Variants in GAP43 observed in about 807,000 individuals in gnomAD.
The protein encoded by GAP43 is neuromodulin.
GAP43 carries 6 observed loss-of-function variants against 18.6 expected under a neutral mutation model. The ratio of observed to expected loss-of-function variants is 0.32; its 90% CI spans 0.18 to 0.64. The LOEUF (loss-of-function observed/expected upper bound fraction) is 0.64. Ranked by LOEUF, GAP43 falls within the 30% of genes least tolerant of loss-of-function variation. GAP43 has a pLI of 0.78. For missense variants in GAP43, 292 were observed against 295.5 expected (o/e 0.99, Z 0.09); for synonymous variants, 115 against 111.4 (o/e 1.03, Z -0.20).
chr3:115,653,665 T>A (rs1320614603), intron 1 of GAP43, among the ~76,000 whole-genome samples: 2 of 152,144 alleles, frequency 1.3e-5, no homozygotes. Flanking sequence ...CTAGTTCAAA[T>A]CCCTCGTTCA....
At chr3:115,697,843 G>A (rs1709216516) in intron 2 of GAP43, among the ~76,000 whole-genome samples, 1 of 150,342 alleles carries the variant, frequency 6.7e-6, no homozygotes, top group African/African-American at 2.5e-5. Context: ...AGTTAACTCA[G>A]CATTTAGCTA....
At chr3:115,675,700 C>T (rs1193813429) in intron 1 of GAP43, among the ~76,000 whole-genome samples, 3 of 130,388 alleles carry the variant, frequency 2.3e-5, no homozygotes, top group East Asian at 2.6e-4. Context: ...CGGAGGTTGC[C>T]GTGAGCTGAG....
chr3:115,633,338 A>C lies in GAP43; in HGVS notation c.30+9619A>C, dbSNP rs560149640. ...CCACAGGGCCGATATCTCTGACTGG[A>C]AAAAGGGCTGGGTGACATAGGTTAG... On this transcript the variant is annotated intron_variant, in intron 1 of 2. Coordinates refer to ENST00000305124, the MANE Select transcript of GAP43 (RefSeq NM_002045.4). Among the ~76,000 whole-genome samples the C allele has an allele frequency of 2.7e-4, 41 of 152,220 alleles. 1 individual carries two copies. Among genetic ancestry groups the C allele is most frequent in the Middle Eastern group, 3.4e-3 (1 of 294 alleles).
intron 2 of GAP43, among the ~76,000 whole-genome samples, chr3:115,709,282 G>A (rs1251255820): frequency 6.6e-6 from 1 of 152,124 alleles, no homozygotes; most frequent in Non-Finnish European, 1.5e-5. Flanking sequence ...AATGCCTTTA[G>A]GCAAAACCTG....
intron 1 of GAP43, chr3:115,663,568 T>C: frequency 7.6e-7 from 1 of 1,318,358 alleles, no homozygotes; most frequent in Non-Finnish European, 9.6e-7. Flanking sequence ...ATCTCAAGTG[T>C]GAATTTTCCC....
At chr3:115,709,291 T>C (rs1234876593) in intron 2 of GAP43, among the ~76,000 whole-genome samples, 1 of 152,210 alleles carries the variant, frequency 6.6e-6, no homozygotes, top group African/African-American at 2.4e-5. Flanking sequence ...AGGCAAAACC[T>C]GCACTCTCCA....
chr3:115,645,438 G>A (rs942467053), intron 1 of GAP43, among the ~76,000 whole-genome samples: 12 of 151,996 alleles, frequency 7.9e-5, no homozygotes, highest in Non-Finnish European at 1.5e-4. Context: ...GACCAAAGAA[G>A]GATCAGAGTG....
At chr3:115,650,252 T>C (rs1207476481) in intron 1 of GAP43, among the ~76,000 whole-genome samples, 1 of 152,172 alleles carries the variant, frequency 6.6e-6, no homozygotes, top group Admixed American at 6.6e-5. Context: ...CTGGGTGTAT[T>C]TCTATGGTAA....
chr3:115,697,874 T>C (rs1709216776), intron 2 of GAP43, among the ~76,000 whole-genome samples: 1 of 150,166 alleles, frequency 6.7e-6, no homozygotes, highest in African/African-American at 2.5e-5. Flanking sequence ...TTTTGTAGTA[T>C]GTTAAATTTG....
chr3:115,684,124 G>A (rs931769774), intron 2 of GAP43, among the ~76,000 whole-genome samples: 2 of 152,162 alleles, frequency 1.3e-5, no homozygotes, highest in Admixed American at 6.5e-5. Context: ...ATTCTAGGAA[G>A]GCTTTTTGCC....
rs1559804255 is a variant in GAP43 at position 115,698,130 on chromosome 3, TA to T, written c.628+21522del. Among the ~76,000 whole-genome samples, 40 of 21,400 alleles carry T rather than the reference TA, an allele frequency of 1.9e-3. No individual in the cohort carries two copies. In the East Asian group the frequency reaches 0.071, roughly 38 times the overall value. The allele number at this position is 21,400 out of a possible 152,430, so 14.0% of individuals were successfully genotyped here. ...TAAAATATATAATATATATTATATA[TA>T]ATATATATAATATATATTATATATA... On this transcript the variant is annotated intron_variant, in intron 2 of 2. Transcript: ENST00000305124.
At chr3:115,628,673 C>T (rs754746693) in intron 1 of GAP43, among the ~76,000 whole-genome samples, 13 of 152,110 alleles carry the variant, frequency 8.5e-5, no homozygotes, top group Non-Finnish European at 1.6e-4. Context: ...TCCTTATTCT[C>T]CCTCTCAGAT....
intron 2 of GAP43, among the ~76,000 whole-genome samples, chr3:115,685,727 G>A (rs943602379): frequency 2.6e-5 from 4 of 152,192 alleles, no homozygotes; most frequent in South Asian, 4.1e-4. Context: ...CTAAGAAAGC[G>A]CAGAGTTCAG....
rs139554894 is a variant in GAP43, at chr3:115,672,899, C to T, written c.31-3114C>T. Among the ~76,000 whole-genome samples, 304 of 152,260 alleles carry T rather than the reference C, an allele frequency of 2.0e-3. 3 individuals are homozygous for T. The highest frequency in any genetic ancestry group is 7.0e-3 in the African/African-American group (290 of 41,548). On this transcript the variant is annotated intron_variant, in intron 1 of 2. Coordinates refer to ENST00000305124, the MANE Select transcript of GAP43 (RefSeq NM_002045.4). ...CTAAATCTCTAATGATGAAGTCCAG[C>T]AGTTTCTCCAGGATGAGCTACATGC...
chr3:115,634,777 A>G (rs1483621705), intron 1 of GAP43, among the ~76,000 whole-genome samples: 1 of 149,564 alleles, frequency 6.7e-6, no homozygotes, highest in Non-Finnish European at 1.5e-5. Flanking sequence ...CTCAAAATAA[A>G]TAAATAAATA....
At chr3:115,655,238 T>G (rs564298336) in intron 1 of GAP43, among the ~76,000 whole-genome samples, 6 of 152,346 alleles carry the variant, frequency 3.9e-5, no homozygotes, top group African/African-American at 1.2e-4. Context: ...AACTCATTGC[T>G]GAAGGGTCTG....
rs1040264261 is a variant in GAP43 at position 115,641,363 on chromosome 3, T to C, written c.30+17644T>C. On this transcript the variant is annotated intron_variant, in intron 1 of 2. Transcript: ENST00000305124. The stretch of plus-strand genomic sequence containing the variant: ...GTGTGTGCGTGCACGTGTATGTGTG[T>C]ACATACACACATAGGAGTTTGTGTG... Among the ~76,000 whole-genome samples, 15 of 151,962 alleles carry C rather than the reference T, an allele frequency of 9.9e-5. No homozygotes were observed. The East Asian group carries it at 2.9e-3, about 30-fold the overall frequency.
At chr3:115,633,220 C>A (rs1425172570) in intron 1 of GAP43, among the ~76,000 whole-genome samples, 6 of 151,582 alleles carry the variant, frequency 4.0e-5, no homozygotes, top group Non-Finnish European at 8.8e-5. Context: ...GAGAGACAGA[C>A]AAAGGGAGAG....
intron 1 of GAP43, among the ~76,000 whole-genome samples, chr3:115,642,869 T>C (rs1708414002): frequency 6.6e-6 from 1 of 152,062 alleles, no homozygotes; most frequent in Admixed American, 6.6e-5. Context: ...CTTAAAGGAC[T>C]AGTTTCTGGA....
Sources: gnomAD v4.1 joint callset for allele counts (sites outside exome capture counted in the v4.1 genomes callset) on GRCh38, gnomAD v4.1.1 for gene constraint, MANE v1.5 for transcripts, NCBI Gene and HGNC (gene_info 2026-07-23, HGNC 2026-07-21) for gene names.